CDH13: variants seen among roughly 807,000 people sequenced by gnomAD.
CDH13 encodes cadherin 13, also known as cadherin-13.
In CDH13, 24 loss-of-function variants were observed where a neutral mutation model predicts 63.8. The observed-to-expected ratio is 0.38, with a 90% CI of 0.27 to 0.53. The LOEUF (loss-of-function observed/expected upper bound fraction) is 0.53, where lower values mean the gene tolerates loss of function less well. CDH13 is among the 20% of genes least tolerant of loss of function. The probability of loss-of-function intolerance (pLI) is 0.85; values close to 1 mark genes in which losing one functional copy is unlikely to be tolerated. For missense variants in CDH13, 1,049 were observed against 903.1 expected (o/e 1.16, Z -2.07); for synonymous variants, 503 against 355.3 (o/e 1.42, Z -4.67).
intron 3 of CDH13, among the ~76,000 whole-genome samples, chr16:83,065,812 G>C (rs1186569324): frequency 6.6e-6 from 1 of 152,068 alleles, no homozygotes; most frequent in Non-Finnish European, 1.5e-5. Context: ...TACTGTCTTT[G>C]GGTGGTAGAT....
At chr16:82,956,740 C>A (rs1375248463) in intron 2 of CDH13, among the ~76,000 whole-genome samples, 2 of 152,192 alleles carry the variant, frequency 1.3e-5, no homozygotes, top group African/African-American at 4.8e-5. Context: ...GTGCCAGGTT[C>A]TTTCACATTG....
intron 4 of CDH13, among the ~76,000 whole-genome samples, chr16:83,180,693 C>G (rs1461029698): frequency 6.6e-6 from 1 of 152,196 alleles, no homozygotes; most frequent in African/African-American, 2.4e-5. Flanking sequence ...CTCCTTTTCA[C>G]AGACGTAATT....
chr16:82,877,477 C>G (rs879307545), intron 2 of CDH13, among the ~76,000 whole-genome samples: 3 of 152,144 alleles, frequency 2.0e-5, no homozygotes, highest in African/African-American at 7.2e-5. Context: ...TTTAGGTGGT[C>G]TGAATTCTCA....
At chr16:82,877,809 TA>T (rs35403808) in intron 2 of CDH13, among the ~76,000 whole-genome samples, 32,772 of 137,756 alleles carry the variant, frequency 0.24, 4,867 homozygotes, top group East Asian at 0.75. Flanking sequence ...TTTTTTTTTT[TA>T]AATTTCCAGT....
chr16:82,952,104 A>T (rs1905378941), intron 2 of CDH13, among the ~76,000 whole-genome samples: 1 of 152,196 alleles, frequency 6.6e-6, no homozygotes. Context: ...AAATGCATAG[A>T]CATTTTTCCA....
intron 1 of CDH13, among the ~76,000 whole-genome samples, chr16:82,730,156 G>A (rs945905811): frequency 1.3e-5 from 2 of 152,178 alleles, no homozygotes; most frequent in Non-Finnish European, 1.5e-5. Context: ...CACTGGAATG[G>A]CACTTTTTAT....
At chr16:83,110,394 C>G (rs72798366) in intron 3 of CDH13, among the ~76,000 whole-genome samples, 9,857 of 152,220 alleles carry the variant, frequency 0.065, 405 homozygotes, top group Non-Finnish European at 0.079. Flanking sequence ...GTGACCACAA[C>G]CAAGGAGGAT....
chr16:82,632,628 C>A (rs1426099404), intron 1 of CDH13, among the ~76,000 whole-genome samples: 3 of 152,184 alleles, frequency 2.0e-5, no homozygotes, highest in Non-Finnish European at 2.9e-5. Flanking sequence ...GGCCTGCATA[C>A]CCTCTCTGTC....
intron 6 of CDH13, among the ~76,000 whole-genome samples, chr16:83,392,496 T>A (rs1217487597): frequency 6.6e-6 from 1 of 152,236 alleles, no homozygotes; most frequent in Non-Finnish European, 1.5e-5. Flanking sequence ...ATCATCGTAA[T>A]GACTCCCCTG....
chr16:83,379,024 C>CACACAG (rs1555538414), intron 6 of CDH13, among the ~76,000 whole-genome samples: 1 of 151,724 alleles, frequency 6.6e-6, no homozygotes, highest in African/African-American at 2.4e-5. Flanking sequence ...CACACACACA[C>CACACAG]ACGTGTGTGT....
intron 1 of CDH13, among the ~76,000 whole-genome samples, chr16:82,739,591 G>A (rs1417958231): frequency 2.0e-5 from 3 of 152,264 alleles, no homozygotes; most frequent in Admixed American, 6.5e-5. Flanking sequence ...AAGTGTTAAG[G>A]GAAGAAGTGC....
chr16:83,671,068 A>G, intron 9 of CDH13, 96 bp downstream of exon 9: 1 of 1,063,406 alleles, frequency 9.4e-7, no homozygotes. Flanking sequence ...GGCCACAGAT[A>G]AATTCCCCCA....
intron 1 of CDH13, among the ~76,000 whole-genome samples, chr16:82,717,772 C>G (rs1031166854): frequency 6.6e-6 from 1 of 152,132 alleles, no homozygotes. Flanking sequence ...AATGTCTTTA[C>G]CACAAAAGTT....
At chr16:82,893,528 G>C (rs1016536450) in intron 2 of CDH13, among the ~76,000 whole-genome samples, 4 of 152,224 alleles carry the variant, frequency 2.6e-5, no homozygotes, top group Non-Finnish European at 5.9e-5. Flanking sequence ...GAGAAATACA[G>C]TATACCACTC....
intron 3 of CDH13, among the ~76,000 whole-genome samples, chr16:83,067,819 C>T (rs2032133686): frequency 2.0e-5 from 3 of 152,254 alleles, no homozygotes; most frequent in African/African-American, 7.2e-5. Flanking sequence ...GTTCCTGCCC[C>T]TCTCTTCTTC....
At chr16:83,748,916 A>T (rs1912839736) in intron 11 of CDH13, among the ~76,000 whole-genome samples, 1 of 152,186 alleles carries the variant, frequency 6.6e-6, no homozygotes, top group African/African-American at 2.4e-5. Context: ...CAAGGGCAGA[A>T]GGAGGGCAAC....
At chr16:83,447,168 T>A (rs148589923) in intron 6 of CDH13, among the ~76,000 whole-genome samples, 25,720 of 124,532 alleles carry the variant, frequency 0.21, 3,256 homozygotes, top group Non-Finnish European at 0.25. Flanking sequence ...TAATCCCAGC[T>A]CTTTGGGAGG....
At chr16:83,114,170 T>C (rs528816410) in intron 3 of CDH13, among the ~76,000 whole-genome samples, 2 of 152,322 alleles carry the variant, frequency 1.3e-5, no homozygotes, top group Admixed American at 6.5e-5. Flanking sequence ...AATGTAATGA[T>C]TCTTAGATGG....
chr16:83,582,148 C>A (rs1405829187), intron 7 of CDH13, among the ~76,000 whole-genome samples: 1 of 152,072 alleles, frequency 6.6e-6, no homozygotes, highest in Non-Finnish European at 1.5e-5. Flanking sequence ...TAGCAGGGTC[C>A]CAGGATCCTT....
Sources: allele counts gnomAD v4.1 joint callset (sites outside exome capture counted in the v4.1 genomes callset), GRCh38; gene constraint gnomAD v4.1.1; transcripts MANE v1.5; gene names NCBI Gene and HGNC (gene_info 2026-07-23, HGNC 2026-07-21).